The following JKAMP variants were observed in gnomAD, a reference collection of about 807,000 sequenced individuals.
JKAMP encodes the protein JNK1/MAPK8-associated membrane protein.
A neutral mutation model predicts 40.2 loss-of-function variants in JKAMP; 20 were observed. The observed-to-expected ratio is 0.50, with a 90% confidence interval of 0.35 to 0.72. JKAMP has a LOEUF of 0.72. Ranked by LOEUF, JKAMP falls within the 30% of genes least tolerant of loss-of-function variation. The pLI, the probability that JKAMP is intolerant of heterozygous loss-of-function variation, is 0.01. For synonymous variants in JKAMP, 138 were observed against 131.6 expected (o/e 1.05, Z -0.33); for missense variants, 276 against 373.0 (o/e 0.74, Z 2.14).
At position 59,498,776 on chromosome 14, in the gene JKAMP, C is replaced by T; in HGVS notation, c.508C>T (p.Leu170=). Residue 170 remains leucine (L), a synonymous_variant, in exon 5 of 7, where the codon CTG becomes TTG. Transcript: ENST00000616435. The part of the protein sequence containing the change: ...YYAFCLVLMM[L]LRPLLVKKIA... ...CGCATTCTGCTTGGTATTAATGATG[C>T]TGCTCCGACCTCTTCTGGTGAAGAA... is the stretch of plus-strand genomic sequence containing the variant. The T allele has an allele frequency of 6.2e-7, 1 of 1,602,914 alleles. No homozygotes were observed. The highest frequency in any genetic ancestry group is 8.5e-7 in the Non-Finnish European group (1 of 1,171,148).
At position 59,498,881 on chromosome 14, in the gene JKAMP, C is replaced by A; in HGVS notation, c.613C>A (p.Leu205Ile). The change falls in exon 5 of 7, where the codon CTT becomes ATT. Residue 205 changes from leucine (L) to isoleucine (I), a missense_variant. Coordinates refer to ENST00000616435, the MANE Select transcript of JKAMP (RefSeq NM_016475.5). ...ALYFFPILTV[L>I]QAVGGGLLYY... Reference sequence around the variant, plus strand: ...TTACTTCTTCCCAATTTTAACCGTGCTTCAGGCAGTTGGTGGAGGCCTTTT... The same window carrying A: ...TTACTTCTTCCCAATTTTAACCGTGATTCAGGCAGTTGGTGGAGGCCTTTT... 6.2e-7 allele frequency: 1 copy of A among 1,609,534 alleles called. No homozygotes were observed. Among genetic ancestry groups the A allele is most frequent in the Non-Finnish European group, 8.5e-7 (1 of 1,177,838 alleles).
At chr14:59,496,114 C>A (rs968528906) in intron 4 of JKAMP, among the ~76,000 whole-genome samples, 1 of 152,150 alleles carries the variant, frequency 6.6e-6, no homozygotes, top group Non-Finnish European at 1.5e-5. Context: ...CCATGTTGGC[C>A]AGGCTGGTCT....
At position 59,498,814 on chromosome 14, in the gene JKAMP, G is replaced by T. The variant is rs1039379967; in HGVS notation, c.546G>T (p.Gly182=). The change falls in exon 5 of 7, where the codon GGG becomes GGT. Residue 182 remains glycine, a synonymous_variant. Coordinates refer to ENST00000616435, the MANE Select transcript of JKAMP (RefSeq NM_016475.5). ...TTCTGGTGAAGAAGATTGCATGTGG[G>T]TTAGGGAAATCTGATCGATTTAAAA... ...RPLLVKKIAC[G]LGKSDRFKSI... 6.2e-7 allele frequency: 1 copy of T among 1,611,572 alleles called. No homozygotes were observed. The highest frequency in any genetic ancestry group is 2.2e-5 in the East Asian group (1 of 44,840).
intron 4 of JKAMP, among the ~76,000 whole-genome samples, chr14:59,496,455 T>C (rs1891460268): frequency 6.6e-6 from 1 of 152,042 alleles, no homozygotes; most frequent in Non-Finnish European, 1.5e-5. Flanking sequence ...TAAGATATAA[T>C]GTAATCTTAT....
rs913276976 is a variant in JKAMP at position 59,484,731 on chromosome 14, G to T, written c.4+138G>T. 32 of 1,159,498 alleles carry T rather than the reference G, an allele frequency of 2.8e-5. No individual in the cohort carries two copies. The Middle Eastern group carries it at 6.3e-4, about 23-fold the overall frequency. The allele number at this position is 1,159,498 out of a possible 1,614,324, so 71.8% of individuals were successfully genotyped here. ...TCGCCCCTTGACCCCGCCCGCCCTC[G>T]GGCCGGGCTCCGCACTCCTGCGGGG... On this transcript the variant is annotated intron_variant, in intron 1 of 6. Transcript: ENST00000616435.
chr14:59,505,381 G>T lies in JKAMP; in HGVS notation c.*1309G>T. On this transcript the variant is annotated 3_prime_UTR_variant, in exon 7 of 7. Transcript: ENST00000616435. Reference sequence around the variant, plus strand: ...TGCACACATTTGGGGGGTTATTAGTGTTCATTAAAATTCTGAGTTGCCCAA... The same window carrying T: ...TGCACACATTTGGGGGGTTATTAGTTTTCATTAAAATTCTGAGTTGCCCAA... 1.2e-6 allele frequency: 1 copy of T among 851,814 alleles called. No individual in the cohort carries two copies. Among genetic ancestry groups the T allele is most frequent in the Non-Finnish European group, 1.7e-6 (1 of 585,452 alleles). 52.8% of individuals were successfully genotyped at this position (851,814 alleles called of 1,614,324 possible).
In JKAMP at chr14:59,505,079, G is replaced by C. The variant is rs1236319015; in HGVS notation, c.*1007G>C. ...CTGACCATGTTTATCCATTTTTATT[G>C]TTTAGAAGTTTATTTACTGATACTT... On this transcript the variant is annotated 3_prime_UTR_variant, in exon 7 of 7. Transcript: ENST00000616435. 7.0e-6 allele frequency: 3 copies of C among 425,642 alleles called. No homozygotes were observed. Among genetic ancestry groups the C allele is most frequent in the Non-Finnish European group, 1.3e-5 (3 of 238,220 alleles). 26.4% of individuals were successfully genotyped at this position (425,642 alleles called of 1,614,324 possible).
chr14:59,487,720 C>T lies in JKAMP; in HGVS notation c.143C>T (p.Pro48Leu). Residue 48 changes from proline (P) to leucine (L), a missense_variant, in exon 3 of 7, where the codon CCT becomes CTT. By Grantham distance (98) the Pro-to-Leu change is moderately conservative. Coordinates refer to ENST00000616435, the MANE Select transcript of JKAMP (RefSeq NM_016475.5). ...QRTNAQKYCQPCTESPELYDW... is the reference protein window; with the variant it reads ...QRTNAQKYCQLCTESPELYDW... ...ACGAATGCACAGAAATATTGTCAGCCTTGCACAGAATCTCCTGAACTTTAT... is the reference window on the plus strand; with the variant it reads ...ACGAATGCACAGAAATATTGTCAGCTTTGCACAGAATCTCCTGAACTTTAT... 4 of 1,613,216 alleles carry T rather than the reference C, an allele frequency of 2.5e-6. No individual in the cohort carries two copies. The highest frequency in any genetic ancestry group is 3.4e-6 in the Non-Finnish European group (4 of 1,179,340).
chr14:59,494,822 C>A (rs544201385), intron 3 of JKAMP, among the ~76,000 whole-genome samples, 196 bp from the exon 4 acceptor site: 38 of 152,240 alleles, frequency 2.5e-4, no homozygotes, highest in African/African-American at 9.1e-4. Flanking sequence ...GATATAATTT[C>A]TGCTTTTCTG....
intron 3 of JKAMP, among the ~76,000 whole-genome samples, chr14:59,489,834 G>T (rs1351958021): frequency 1.3e-5 from 2 of 152,166 alleles, no homozygotes; most frequent in African/African-American, 4.8e-5. Context: ...TGTGAGAGGA[G>T]GCAGGAGGCA....
At chr14:59,491,227 A>G (rs1890976039) in intron 3 of JKAMP, among the ~76,000 whole-genome samples, 2 of 152,222 alleles carry the variant, frequency 1.3e-5, no homozygotes, top group African/African-American at 4.8e-5. Flanking sequence ...AGGGTGATGC[A>G]TGCCCAGATG....
At chr14:59,496,183 G>C (rs1891432374) in intron 4 of JKAMP, among the ~76,000 whole-genome samples, 1 of 152,134 alleles carries the variant, frequency 6.6e-6, no homozygotes, top group South Asian at 2.1e-4. Context: ...TGGGATTACA[G>C]GCGTGAGCCA....
intron 6 of JKAMP, among the ~76,000 whole-genome samples, chr14:59,502,299 AGT>A (rs1891943590): frequency 6.6e-6 from 1 of 152,210 alleles, no homozygotes. Context: ...AGAAGTATAA[AGT>A]GTCTCAGTAC....
chr14:59,505,141 T>G lies in JKAMP; in HGVS notation c.*1069T>G. The G allele has an allele frequency of 2.0e-6, 1 of 512,278 alleles. No individual in the cohort carries two copies. Among genetic ancestry groups the G allele is most frequent in the Non-Finnish European group, 3.3e-6 (1 of 302,926 alleles). The allele number at this position is 512,278 out of a possible 1,614,324, so 31.7% of individuals were successfully genotyped here. On this transcript the variant is annotated 3_prime_UTR_variant, in exon 7 of 7. Coordinates refer to ENST00000616435, the MANE Select transcript of JKAMP (RefSeq NM_016475.5). The stretch of plus-strand genomic sequence containing the variant: ...TGTGAATTAGTTAAATTTTAAATGT[T>G]TAAGACTTCTATTAACAGCTGCAAA...
chr14:59,499,703 G>A, intron 5 of JKAMP, among the ~76,000 whole-genome samples: 1 of 140,688 alleles, frequency 7.1e-6, no homozygotes, highest in African/African-American at 2.5e-5. Context: ...ATGTAATTTG[G>A]TAATATAGTT....
chr14:59,491,384 G>A (rs1389034694), intron 3 of JKAMP, among the ~76,000 whole-genome samples: 1 of 152,196 alleles, frequency 6.6e-6, no homozygotes, highest in African/African-American at 2.4e-5. Context: ...ATTTTGTAAA[G>A]ATTATGTGTC....
intron 6 of JKAMP, among the ~76,000 whole-genome samples, chr14:59,502,773 T>TTTTTGTTTG (rs796697193): frequency 9.7e-6 from 1 of 102,834 alleles, no homozygotes; most frequent in Non-Finnish European, 1.8e-5. Context: ...TTTTTTTTTT[T>TTTTTGTTTG]CGGAGTCTCA....
chr14:59,489,219 C>G (rs113284747), intron 3 of JKAMP, among the ~76,000 whole-genome samples: 6,009 of 152,314 alleles, frequency 0.039, 158 homozygotes, highest in Non-Finnish European at 0.058. Context: ...TTAAGTCATT[C>G]CTTTGCTCCC....
chr14:59,500,915 G>A (rs1334234424), intron 5 of JKAMP: 12 of 297,802 alleles, frequency 4.0e-5, no homozygotes, highest in East Asian at 1.9e-4. Flanking sequence ...GAACACAGCC[G>A]TGCCCATTCA....
Sources: allele counts gnomAD v4.1 joint callset (sites outside exome capture counted in the v4.1 genomes callset), GRCh38; gene constraint gnomAD v4.1.1; transcripts MANE v1.5; gene names NCBI Gene and HGNC (gene_info 2026-07-23, HGNC 2026-07-21).